The following KDM2A variants were observed in gnomAD, a reference collection of about 807,000 sequenced individuals.
KDM2A encodes the protein lysine-specific demethylase 2A.
Under a neutral mutation model 137.3 loss-of-function variants are expected in KDM2A, and 3 were observed. The observed-to-expected ratio is 0.02, with a 90% CI of 0.01 to 0.06. The LOEUF (loss-of-function observed/expected upper bound fraction) is 0.06. Among genes scored for constraint, KDM2A ranks in the 10% least tolerant of loss-of-function variants. The pLI is 1.00. For synonymous variants in KDM2A, 512 were observed against 541.5 expected, an observed-to-expected ratio of 0.95 and a Z score of 0.76; for missense variants, 738 against 1,510.6, an observed-to-expected ratio of 0.49 and a Z score of 8.48.
chr11:67,140,864 A>G (rs1856084211), intron 2 of KDM2A, among the ~76,000 whole-genome samples: 1 of 152,166 alleles, frequency 6.6e-6, no homozygotes, highest in Non-Finnish European at 1.5e-5. Context: ...GAAGAACCTT[A>G]CCAGAGATTC....
chr11:67,227,081 T>G (rs1295769638), intron 10 of KDM2A, among the ~76,000 whole-genome samples: 5 of 152,218 alleles, frequency 3.3e-5, no homozygotes, highest in African/African-American at 1.2e-4. Context: ...CCTTTTAAAA[T>G]TAGTATCCAG....
chr11:67,250,749 C>T lies in KDM2A; in HGVS notation c.2719C>T (p.Arg907Cys), dbSNP rs375518283. ...GATGTCTGTCTTCCGCTACCTCAGCCGCAGAGAACTTTGTGAATGTATGCG... is the reference window on the plus strand; with the variant it reads ...GATGTCTGTCTTCCGCTACCTCAGCTGCAGAGAACTTTGTGAATGTATGCG... ...VWMSVFRYLS[R>C]RELCECMRVC... The change falls in exon 17 of 21, where the codon CGC (arginine) becomes TGC (cysteine). Residue 907 changes from arginine (R) to cysteine (C), a missense_variant. Physicochemically the swap from Arg to Cys is radical, Grantham distance 180 (BLOSUM62 -3). This residue lies in a region of KDM2A where 244 missense variants were observed against 324.6 expected (regional missense o/e 0.75). Coordinates refer to ENST00000529006, the MANE Select transcript of KDM2A (RefSeq NM_012308.3). The surrounding 1 kb of genome is among the most constrained non-coding windows in gnomAD (Gnocchi z 7.1). 6.5e-6 allele frequency: 10 copies of T among 1,546,650 alleles called. No homozygotes were observed. The highest frequency in any genetic ancestry group is 7.0e-6 in the Non-Finnish European group (8 of 1,145,912).
At position 67,215,381 on chromosome 11, in the gene KDM2A, C is replaced by T; in HGVS notation, c.528C>T (p.His176=). The change falls in exon 7 of 21, where the codon CAC becomes CAT. Residue 176 remains histidine, a synonymous_variant. Coordinates refer to ENST00000529006, the MANE Select transcript of KDM2A (RefSeq NM_012308.3). The stretch of plus-strand genomic sequence containing the variant: ...GGGTAGACAACATGTGGCCAAGGCA[C>T]TTGAAGGAAAGCCAGACTGAATCAA... ...IDWVDNMWPR[H]LKESQTESTN... 2 of 1,613,734 alleles carry T rather than the reference C, an allele frequency of 1.2e-6. No individual in the cohort carries two copies. Among genetic ancestry groups the T allele is most frequent in the Non-Finnish European group, 1.7e-6 (2 of 1,179,730 alleles).
chr11:67,200,981 CAGG>C (rs1011697126), intron 5 of KDM2A, among the ~76,000 whole-genome samples: 3 of 151,696 alleles, frequency 2.0e-5, no homozygotes, highest in Non-Finnish European at 4.4e-5. Context: ...ATCACGAGGT[CAGG>C]AGATTGAGAC....
Position 67,181,815 on chromosome 11 carries a change from C to T in KDM2A, c.261-31C>T, listed in dbSNP as rs1248024984. ...ACATTTACTAGAGCAATTGTGTTTT[C>T]CATATATACTTACTGGTGTTTGTTT... On this transcript the variant is annotated intron_variant, in intron 4 of 20. Coordinates refer to ENST00000529006, the MANE Select transcript of KDM2A (RefSeq NM_012308.3). The T allele has an allele frequency of 1.9e-6, 3 of 1,603,894 alleles. No homozygotes were observed. In the African/African-American group the frequency reaches 4.0e-5, roughly 21 times the overall value.
intron 2 of KDM2A, among the ~76,000 whole-genome samples, chr11:67,161,495 A>G (rs1293534792): frequency 6.6e-6 from 1 of 152,204 alleles, no homozygotes; most frequent in African/African-American, 2.4e-5. Flanking sequence ...CAGGAAATAC[A>G]TTTTATATTA....
intron 4 of KDM2A, among the ~76,000 whole-genome samples, 186 bp downstream of exon 4, chr11:67,181,584 T>C (rs1227233669): frequency 6.7e-6 from 1 of 149,810 alleles, no homozygotes; most frequent in Non-Finnish European, 1.5e-5. Context: ...TGAGAAAATA[T>C]AGATGAACCA....
chr11:67,166,659 G>C (rs371357116), intron 2 of KDM2A, among the ~76,000 whole-genome samples: 1 of 151,070 alleles, frequency 6.6e-6, no homozygotes, highest in East Asian at 2.0e-4. Context: ...AAGGAGTTCT[G>C]GGCTGTAATG....
intron 13 of KDM2A, chr11:67,243,383 C>A: frequency 4.1e-6 from 1 of 242,480 alleles, no homozygotes. Flanking sequence ...AGTTACTCAG[C>A]TATCTTCACA....
chr11:67,145,481 A>G (rs952603733), intron 2 of KDM2A, among the ~76,000 whole-genome samples: 3 of 151,858 alleles, frequency 2.0e-5, no homozygotes, highest in African/African-American at 7.3e-5. Context: ...GTGAGACTTC[A>G]TTTTAAGAAA....
intron 5 of KDM2A, among the ~76,000 whole-genome samples, chr11:67,205,547 C>T (rs1216151465): frequency 1.3e-5 from 2 of 152,142 alleles, no homozygotes; most frequent in Non-Finnish European, 2.9e-5. Flanking sequence ...CACACCTCAC[C>T]CTCCCGAGTA....
chr11:67,233,919 T>C (rs114755064), intron 12 of KDM2A, among the ~76,000 whole-genome samples: 193 of 152,172 alleles, frequency 1.3e-3, no homozygotes, highest in African/African-American at 4.1e-3. Context: ...GGCTAAGATA[T>C]AGTGGCAGAG....
intron 1 of KDM2A, among the ~76,000 whole-genome samples, chr11:67,121,023 C>G (rs553039638): frequency 6.6e-6 from 1 of 152,144 alleles, no homozygotes; most frequent in South Asian, 2.1e-4. Flanking sequence ...ACCAACATCT[C>G]GTTTCGTCTA....
chr11:67,203,497 T>G (rs1857708938), intron 5 of KDM2A, among the ~76,000 whole-genome samples: 1 of 147,604 alleles, frequency 6.8e-6, no homozygotes, highest in Non-Finnish European at 1.5e-5. Context: ...TTAATATATT[T>G]TTATATAATA....
intron 5 of KDM2A, among the ~76,000 whole-genome samples, chr11:67,201,557 CAG>C (rs1301975665): frequency 6.6e-6 from 1 of 151,834 alleles, no homozygotes; most frequent in South Asian, 2.1e-4. Context: ...GATCACAAGT[CAG>C]GGGTACAAGA....
intron 10 of KDM2A, among the ~76,000 whole-genome samples, chr11:67,227,469 A>G (rs1408025177): frequency 6.6e-6 from 1 of 151,032 alleles, no homozygotes; most frequent in East Asian, 1.9e-4. Context: ...TTACTCTTAC[A>G]TTTTACTCTG....
At chr11:67,189,112 ATT>A (rs1368225112) in intron 5 of KDM2A, among the ~76,000 whole-genome samples, 7 of 152,188 alleles carry the variant, frequency 4.6e-5, no homozygotes, top group Non-Finnish European at 8.8e-5. Context: ...TAGCATACAC[ATT>A]CTTTTCAAGT....
chr11:67,218,215 A>G (rs1455673326), intron 9 of KDM2A, among the ~76,000 whole-genome samples: 2 of 152,202 alleles, frequency 1.3e-5, no homozygotes, highest in Non-Finnish European at 2.9e-5. Flanking sequence ...AGAACTGCCT[A>G]CTATTCTAGG....
Position 67,122,614 on chromosome 11 carries a change from C to T in KDM2A, c.42+1256C>T, listed in dbSNP as rs140961361. ...CTGGGATTACAGACGTGAGCCACCG[C>T]GCCTGGCCATGGCCTATTTTTTATT... On this transcript the variant is annotated intron_variant, in intron 2 of 20. Coordinates refer to ENST00000529006, the MANE Select transcript of KDM2A (RefSeq NM_012308.3). Among the ~76,000 whole-genome samples the T allele has an allele frequency of 6.2e-3, 937 of 151,740 alleles. 4 individuals are homozygous for T. Among genetic ancestry groups the T allele is most frequent in the Middle Eastern group, 0.01 (3 of 292 alleles).
Sources: allele counts gnomAD v4.1 joint callset (sites outside exome capture counted in the v4.1 genomes callset), GRCh38; gene constraint gnomAD v4.1.1; regional missense constraint gnomAD v4.1.1; non-coding constraint Gnocchi (gnomAD v3.1); transcripts MANE v1.5; gene names NCBI Gene and HGNC (gene_info 2026-07-23, HGNC 2026-07-21).